The following IQSEC3 variants were observed in gnomAD, a reference collection of about 807,000 sequenced individuals.
IQSEC3 encodes IQ motif and SEC7 domain-containing protein 3.
A neutral mutation model predicts 105.4 loss-of-function variants in IQSEC3; 50 were observed. That is an observed-to-expected ratio of 0.47 (90% CI 0.38 to 0.60). IQSEC3 has a LOEUF of 0.60. Among genes scored for constraint, IQSEC3 ranks in the 20% least tolerant of loss-of-function variants. IQSEC3 has a pLI of 0.00. For missense variants in IQSEC3, 1,415 were observed against 1,630.0 expected (o/e 0.87, Z 2.27); for synonymous variants, 708 against 746.0 (o/e 0.95, Z 0.83).
At chr12:136,418 C>G (rs1284882875) in intron 3 of IQSEC3, among the ~76,000 whole-genome samples, 1 of 152,134 alleles carries the variant, frequency 6.6e-6, no homozygotes, top group Non-Finnish European at 1.5e-5. Flanking sequence ...ACCCATCACA[C>G]CCTGCAGGGA....
chr12:132,602 G>A (rs1865637427), intron 3 of IQSEC3, among the ~76,000 whole-genome samples: 1 of 152,138 alleles, frequency 6.6e-6, no homozygotes, highest in South Asian at 2.1e-4. Flanking sequence ...AGGTATAGGG[G>A]TGGGGGGTCC....
rs769675869 is a variant in IQSEC3 at position 175,009 on chromosome 12, C to A, written c.3525C>A (p.Ser1175=). ...CCCTGCTGCACGGGCACCGCTACTC[C>A]AGTGGCTCAAGGAGCCTGGTGTAGA... ...PGSLLHGHRY[S]SGSRSLV Residue 1175 remains serine (S), a synonymous_variant, in exon 14 of 14, where the codon TCC becomes TCA. Coordinates refer to ENST00000538872, the MANE Select transcript of IQSEC3 (RefSeq NM_001170738.2). 4.0e-5 allele frequency: 62 copies of A among 1,567,292 alleles called. No homozygotes were observed. The highest frequency in any genetic ancestry group is 5.2e-5 in the Non-Finnish European group (61 of 1,164,642).
At chr12:153,909 T>G (rs1555093350) in intron 5 of IQSEC3, among the ~76,000 whole-genome samples, 1 of 152,176 alleles carries the variant, frequency 6.6e-6, no homozygotes, top group Non-Finnish European at 1.5e-5. Context: ...AGAATGCTGA[T>G]TCCCAGGACT....
At chr12:125,954 G>A (rs1223516114) in intron 3 of IQSEC3, 42 bp downstream of exon 3, 18 of 1,513,180 alleles carry the variant, frequency 1.2e-5, no homozygotes, top group Non-Finnish European at 1.5e-5. Flanking sequence ...GTGGTGAAGG[G>A]GCCCTGCTTT....
At chr12:100,900 T>G (rs1864402228) in intron 2 of IQSEC3, among the ~76,000 whole-genome samples, 3 of 151,986 alleles carry the variant, frequency 2.0e-5, no homozygotes, top group African/African-American at 7.3e-5. Flanking sequence ...AGACCCTGAG[T>G]TCCCTGGCCC....
In IQSEC3 at chr12:165,770, T is replaced by C. The variant is rs1330661119; in HGVS notation, c.2851T>C (p.Ser951Pro). The change falls in exon 11 of 14, where the codon TCC (serine) becomes CCC (proline). Residue 951 changes from serine (S) to proline (P), a missense_variant. Ser to Pro is a moderately conservative substitution (Grantham distance 74, BLOSUM62 -1). Coordinates refer to ENST00000538872, the MANE Select transcript of IQSEC3 (RefSeq NM_001170738.2). The part of the protein sequence containing the change: ...GITLVTPLSG[S>P]EKKQVLHFCA... ...CACACTGGTGACCCCGCTCTCGGGCTCCGAGAAGAAGCAGGTGCTGCATTT... is the reference window on the plus strand; with the variant it reads ...CACACTGGTGACCCCGCTCTCGGGCCCCGAGAAGAAGCAGGTGCTGCATTT... 3.7e-6 allele frequency: 6 copies of C among 1,613,842 alleles called. No homozygotes were observed. The highest frequency in any genetic ancestry group is 5.1e-6 in the Non-Finnish European group (6 of 1,180,050).
chr12:93,542 G>A (rs1365591340), intron 1 of IQSEC3, among the ~76,000 whole-genome samples: 1 of 152,220 alleles, frequency 6.6e-6, no homozygotes, highest in African/African-American at 2.4e-5. Context: ...GAAGACTAAG[G>A]ATTCAGGAAG....
intron 1 of IQSEC3, among the ~76,000 whole-genome samples, chr12:73,954 C>A (rs1555068319): frequency 1.3e-5 from 2 of 152,280 alleles, no homozygotes; most frequent in African/African-American, 4.8e-5. Flanking sequence ...TTAAGCCCAA[C>A]TAAAACCTCT....
intron 7 of IQSEC3, among the ~76,000 whole-genome samples, chr12:160,437 A>G (rs1025867779): frequency 6.6e-6 from 1 of 152,030 alleles, no homozygotes; most frequent in Non-Finnish European, 1.5e-5. Context: ...TAAATGTTCA[A>G]TCTGTTGCCC....
At chr12:146,575 G>T (rs1374825279) in intron 5 of IQSEC3, among the ~76,000 whole-genome samples, 1 of 152,198 alleles carries the variant, frequency 6.6e-6, no homozygotes, top group African/African-American at 2.4e-5. Context: ...GAGCCCAGGA[G>T]ATGGAAACTG....
Position 90,009 on chromosome 12 carries a change from G to A in IQSEC3, c.555-9137G>A, listed in dbSNP as rs542024650. 1.3e-3 allele frequency among the ~76,000 whole-genome samples: 198 copies of A among 152,376 alleles called. 1 individual carries two copies. The highest frequency in any genetic ancestry group is 4.6e-3 in the African/African-American group (193 of 41,602). On this transcript the variant is annotated intron_variant, in intron 1 of 13. Transcript: ENST00000538872. ...AGAAACTGCAAGACTGTTTTCCAAAGTGTGGCACTATTTTGCATTCCTTTC... is the reference window on the plus strand; with the variant it reads ...AGAAACTGCAAGACTGTTTTCCAAAATGTGGCACTATTTTGCATTCCTTTC...
chr12:147,426 G>A (rs1375953080), intron 5 of IQSEC3, among the ~76,000 whole-genome samples: 3 of 152,214 alleles, frequency 2.0e-5, no homozygotes, highest in Non-Finnish European at 4.4e-5. Flanking sequence ...AAGGCACTGA[G>A]GAACAGAGAG....
At chr12:133,792 G>A (rs1865670595) in intron 3 of IQSEC3, among the ~76,000 whole-genome samples, 1 of 151,658 alleles carries the variant, frequency 6.6e-6, no homozygotes, top group South Asian at 2.1e-4. Flanking sequence ...GGGCAGGGTT[G>A]GGTCAGCATC....
chr12:90,385 C>T (rs117516192), intron 1 of IQSEC3, among the ~76,000 whole-genome samples: 2,121 of 152,246 alleles, frequency 0.014, 27 homozygotes, highest in Middle Eastern at 0.054. Flanking sequence ...CTTTCTGGTC[C>T]TATCTATGAA....
At chr12:108,652 G>A (rs367979130) in intron 2 of IQSEC3, among the ~76,000 whole-genome samples, 18 of 152,318 alleles carry the variant, frequency 1.2e-4, no homozygotes, top group African/African-American at 3.8e-4. Flanking sequence ...TCATTTAGGC[G>A]CCTTTCCAGG....
chr12:169,578 C>T (rs1279674132), intron 12 of IQSEC3, among the ~76,000 whole-genome samples: 1 of 152,204 alleles, frequency 6.6e-6, no homozygotes, highest in East Asian at 1.9e-4. Context: ...CACTTCCTGA[C>T]CCCTGGCTCA....
intron 1 of IQSEC3, among the ~76,000 whole-genome samples, chr12:92,637 C>T (rs553754625): frequency 1.3e-5 from 2 of 152,214 alleles, no homozygotes; most frequent in Non-Finnish European, 1.5e-5. Context: ...GGTCCCGGGC[C>T]CCCTCCCTAA....
At chr12:90,261 G>A (rs1449710844) in intron 1 of IQSEC3, among the ~76,000 whole-genome samples, 1 of 152,148 alleles carries the variant, frequency 6.6e-6, no homozygotes, top group African/African-American at 2.4e-5. Context: ...TTTCCTATCA[G>A]GTTGTTTGTC....
chr12:90,556 G>A (rs1046280688), intron 1 of IQSEC3, among the ~76,000 whole-genome samples: 2 of 151,918 alleles, frequency 1.3e-5, no homozygotes, highest in African/African-American at 4.8e-5. Context: ...ATATCCAGTT[G>A]TTTCAGCACT....
Sources: allele counts gnomAD v4.1 joint callset (sites outside exome capture counted in the v4.1 genomes callset), GRCh38; gene constraint gnomAD v4.1.1; transcripts MANE v1.5; gene names NCBI Gene and HGNC (gene_info 2026-07-23, HGNC 2026-07-21).